Variants in AIG1 observed in about 807,000 individuals in gnomAD.
AIG1 encodes the protein androgen induced 1.
Under a neutral mutation model 31.4 loss-of-function variants are expected in AIG1, and 23 were observed. The observed-to-expected ratio is 0.73, with a 90% CI of 0.53 to 1.04. The LOEUF is 1.04. Ranked by LOEUF, AIG1 falls within the 50% of genes least tolerant of loss-of-function variation. AIG1 has a pLI of 0.00. For missense variants in AIG1, 274 were observed against 295.0 expected, an observed-to-expected ratio of 0.93 and a Z score of 0.52; for synonymous variants, 100 against 110.5, an observed-to-expected ratio of 0.90 and a Z score of 0.60.
intron 1 of AIG1, among the ~76,000 whole-genome samples, chr6:143,124,073 T>G (rs904235017): frequency 6.6e-6 from 1 of 152,210 alleles, no homozygotes; most frequent in Non-Finnish European, 1.5e-5. Context: ...GTGTCAGCAA[T>G]GCTACTAAAA....
chr6:143,283,814 T>C (rs937856731), intron 3 of AIG1, among the ~76,000 whole-genome samples: 4 of 152,244 alleles, frequency 2.6e-5, no homozygotes, highest in Non-Finnish European at 5.9e-5. Context: ...GTGATTGTTA[T>C]TCCTCTCTTT....
intron 3 of AIG1, among the ~76,000 whole-genome samples, chr6:143,246,427 T>A: frequency 6.6e-6 from 1 of 152,064 alleles, no homozygotes; most frequent in Non-Finnish European, 1.5e-5. Flanking sequence ...TATAAACCCA[T>A]CAGATCTCAT....
intron 4 of AIG1, among the ~76,000 whole-genome samples, chr6:143,314,585 A>G (rs1254274625): frequency 6.6e-6 from 1 of 152,156 alleles, no homozygotes; most frequent in East Asian, 1.9e-4. Flanking sequence ...CAAAAAATAA[A>G]TACTTAGATA....
chr6:143,312,862 G>C (rs771117934), intron 4 of AIG1, among the ~76,000 whole-genome samples: 6 of 151,990 alleles, frequency 3.9e-5, no homozygotes, highest in Non-Finnish European at 7.4e-5. Context: ...CAATTCTATA[G>C]GGAAAAAATA....
chr6:143,171,429 A>T (rs1483355982), intron 3 of AIG1, among the ~76,000 whole-genome samples: 3 of 103,548 alleles, frequency 2.9e-5, no homozygotes, highest in Non-Finnish European at 5.2e-5. Context: ...TATAATATAT[A>T]TAATATATAT....
chr6:143,342,266 G>T, downstream of AIG1: 2 of 685,370 alleles, frequency 2.9e-6, no homozygotes, highest in Non-Finnish European at 5.3e-6. Flanking sequence ...GAGGCTGGGC[G>T]CAGAGAGGCT....
chr6:143,333,239 A>G lies in AIG1; in HGVS notation c.516-43A>G. On this transcript the variant is annotated intron_variant, in intron 4 of 5. Transcript: ENST00000357847. The surrounding 1 kb of genome is among the most constrained non-coding windows in gnomAD (Gnocchi z 4.6). The stretch of plus-strand genomic sequence containing the variant: ...TCATAGCAGCTTTGATGCCTGCCAT[A>G]AGAGTGACTCCTGTCCTTGTCTCCT... 1 of 1,552,060 alleles carries G rather than the reference A, an allele frequency of 6.4e-7. No homozygotes were observed. The highest frequency in any genetic ancestry group is 8.7e-7 in the Non-Finnish European group (1 of 1,149,340).
intron 3 of AIG1, among the ~76,000 whole-genome samples, chr6:143,198,045 C>A (rs551366447): frequency 6.6e-6 from 1 of 152,090 alleles, no homozygotes; most frequent in Admixed American, 6.5e-5. Flanking sequence ...ATGGCTACAG[C>A]AATAGTGGAT....
chr6:143,188,828 C>T, intron 3 of AIG1: 1 of 985,154 alleles, frequency 1.0e-6, no homozygotes, highest in South Asian at 4.7e-5. Context: ...CTTCCCAGAA[C>T]ATTCCTTTTT....
At chr6:143,142,121 G>C (rs998263680) in intron 2 of AIG1, among the ~76,000 whole-genome samples, 23 of 151,994 alleles carry the variant, frequency 1.5e-4, no homozygotes, top group African/African-American at 5.3e-4. Context: ...TGTTGCCCAG[G>C]CTGGAATGTA....
At chr6:143,189,929 G>A (rs1789631736) in intron 3 of AIG1, 2 of 728,412 alleles carry the variant, frequency 2.7e-6, no homozygotes, top group South Asian at 1.2e-4. Context: ...CCAAGAGCTG[G>A]GTGCCAGCAT....
At chr6:143,308,857 T>G (rs1775020814) in intron 4 of AIG1, among the ~76,000 whole-genome samples, 1 of 152,226 alleles carries the variant, frequency 6.6e-6, no homozygotes, top group African/African-American at 2.4e-5. Context: ...ATTGTATGGC[T>G]TTCCCTTGTA....
At chr6:143,118,078 C>T (rs933710273) in intron 1 of AIG1, among the ~76,000 whole-genome samples, 2 of 152,128 alleles carry the variant, frequency 1.3e-5, no homozygotes, top group South Asian at 2.1e-4. Context: ...TACATAAAAA[C>T]ACATTGATTC....
intron 3 of AIG1, among the ~76,000 whole-genome samples, chr6:143,272,127 A>G (rs1326049336): frequency 6.6e-6 from 1 of 152,110 alleles, no homozygotes; most frequent in East Asian, 1.9e-4. Flanking sequence ...TTTCTATTTG[A>G]TTATACTGAG....
chr6:143,227,371 GC>G (rs1793067528), intron 3 of AIG1, among the ~76,000 whole-genome samples: 1 of 151,972 alleles, frequency 6.6e-6, no homozygotes, highest in African/African-American at 2.4e-5. Flanking sequence ...GCTGCCCCGT[GC>G]CCCTGCCCCG....
At chr6:143,064,252 T>C (rs1776499822) in intron 1 of AIG1, among the ~76,000 whole-genome samples, 1 of 152,144 alleles carries the variant, frequency 6.6e-6, no homozygotes, top group Non-Finnish European at 1.5e-5. Flanking sequence ...GGGCCCAATG[T>C]AATTACAAGG....
intron 4 of AIG1, among the ~76,000 whole-genome samples, chr6:143,302,254 G>C (rs1466949365): frequency 6.8e-6 from 1 of 146,318 alleles, no homozygotes; most frequent in African/African-American, 2.6e-5. Flanking sequence ...TTAAGTTTTA[G>C]GGTACATGTG....
chr6:143,203,381 G>A (rs1457930058), intron 3 of AIG1, among the ~76,000 whole-genome samples: 22 of 152,106 alleles, frequency 1.4e-4, no homozygotes, highest in Admixed American at 1.4e-3. Flanking sequence ...AGTGGCTCGA[G>A]ACCTTAAGTT....
chr6:143,092,040 A>G (rs1286788129), intron 1 of AIG1, among the ~76,000 whole-genome samples: 2 of 152,070 alleles, frequency 1.3e-5, no homozygotes, highest in East Asian at 1.9e-4. Context: ...AAAGTTTTCC[A>G]TTTATTTTGC....
Sources: gnomAD v4.1 joint callset for allele counts (sites outside exome capture counted in the v4.1 genomes callset) on GRCh38, gnomAD v4.1.1 for gene constraint, Gnocchi (gnomAD v3.1) non-coding constraint, MANE v1.5 for transcripts, NCBI Gene and HGNC (gene_info 2026-07-23, HGNC 2026-07-21) for gene names.